The following SCFD2 variants were observed in gnomAD, a reference collection of about 807,000 sequenced individuals.
SCFD2 encodes sec1 family domain containing 2, also known as sec1 family domain-containing protein 2.
A neutral mutation model predicts 58.9 loss-of-function variants in SCFD2; 54 were observed. That is an observed-to-expected ratio of 0.92 (90% CI 0.74 to 1.15). The LOEUF (loss-of-function observed/expected upper bound fraction) is 1.15. Ranked by LOEUF, SCFD2 falls within the 50% of genes most tolerant of loss-of-function variation. The probability of loss-of-function intolerance (pLI) is 0.00; values close to 1 mark genes in which losing one functional copy is unlikely to be tolerated. For missense variants in SCFD2, 805 were observed against 836.6 expected (o/e 0.96, Z 0.47); for synonymous variants, 321 against 335.9 (o/e 0.96, Z 0.49).
chr4:53,145,099 G>A (rs908913695), intron 5 of SCFD2, among the ~76,000 whole-genome samples: 1 of 152,140 alleles, frequency 6.6e-6, no homozygotes, highest in African/African-American at 2.4e-5. Flanking sequence ...GATGTGAGGT[G>A]GAACGGTTTC....
At chr4:53,359,835 C>T (rs1734502430) in intron 1 of SCFD2, among the ~76,000 whole-genome samples, 1 of 152,186 alleles carries the variant, frequency 6.6e-6, no homozygotes, top group African/African-American at 2.4e-5. Flanking sequence ...AGCACCCTTG[C>T]CAACAATAAT....
chr4:53,326,302 C>T (rs1733195818), intron 2 of SCFD2, among the ~76,000 whole-genome samples: 1 of 152,106 alleles, frequency 6.6e-6, no homozygotes, highest in South Asian at 2.1e-4. Context: ...GCCCCCACAC[C>T]TAGCTAATTT....
At chr4:52,952,307 A>G (rs143146780) in intron 5 of SCFD2, among the ~76,000 whole-genome samples, 3 of 130,372 alleles carry the variant, frequency 2.3e-5, no homozygotes, top group Non-Finnish European at 4.8e-5. Context: ...CTCTGCCCCA[A>G]ATGGTCCCAC....
At chr4:53,326,502 TA>T (rs547110491) in intron 2 of SCFD2, among the ~76,000 whole-genome samples, 15 of 149,250 alleles carry the variant, frequency 1.0e-4, no homozygotes, top group East Asian at 1.9e-4. Flanking sequence ...CTTAACCTGA[TA>T]AAAAAAAAAT....
chr4:53,171,506 T>G (rs1297108171), intron 4 of SCFD2, among the ~76,000 whole-genome samples: 3 of 152,192 alleles, frequency 2.0e-5, no homozygotes, highest in Admixed American at 2.0e-4. Flanking sequence ...TTCTCTGGCT[T>G]TGGTACCAAG....
chr4:52,892,928 A>T (rs1371644593), intron 7 of SCFD2, among the ~76,000 whole-genome samples: 1 of 152,262 alleles, frequency 6.6e-6, no homozygotes, highest in East Asian at 1.9e-4. Context: ...TTTACAGTTC[A>T]TACCAAAATC....
chr4:52,918,913 T>C (rs188746943), intron 6 of SCFD2, among the ~76,000 whole-genome samples: 1 of 152,356 alleles, frequency 6.6e-6, no homozygotes, highest in African/African-American at 2.4e-5. Context: ...TCATTATTTA[T>C]TTAATCCCCC....
intron 4 of SCFD2, among the ~76,000 whole-genome samples, chr4:53,168,215 G>A (rs998635974): frequency 2.0e-5 from 3 of 152,206 alleles, no homozygotes; most frequent in Non-Finnish European, 4.4e-5. Context: ...TTGCCTTACA[G>A]GTGGGAGAAC....
chr4:53,091,277 C>T (rs1328062844), intron 5 of SCFD2, among the ~76,000 whole-genome samples: 1 of 151,384 alleles, frequency 6.6e-6, no homozygotes, highest in Non-Finnish European at 1.5e-5. Context: ...AGGAATAATG[C>T]TATGAGTTTT....
intron 7 of SCFD2, among the ~76,000 whole-genome samples, chr4:52,897,647 T>G (rs1469635233): frequency 1.3e-5 from 2 of 152,224 alleles, no homozygotes; most frequent in African/African-American, 2.4e-5. Flanking sequence ...CAGGCTTTGG[T>G]GTCAGGATGC....
At chr4:53,087,264 A>G (rs994617930) in intron 5 of SCFD2, among the ~76,000 whole-genome samples, 3 of 152,242 alleles carry the variant, frequency 2.0e-5, no homozygotes, top group Non-Finnish European at 4.4e-5. Context: ...ACACTAAAAC[A>G]TAGAAGATAG....
chr4:53,078,740 C>T (rs1236267634), intron 5 of SCFD2, among the ~76,000 whole-genome samples: 1 of 152,098 alleles, frequency 6.6e-6, no homozygotes, highest in Non-Finnish European at 1.5e-5. Flanking sequence ...AGAAATGAAC[C>T]CATGTGATCT....
At chr4:53,077,899 C>T (rs1577708958) in intron 5 of SCFD2, among the ~76,000 whole-genome samples, 2 of 152,094 alleles carry the variant, frequency 1.3e-5, no homozygotes, top group East Asian at 3.9e-4. Context: ...AAATACATAG[C>T]ACTTTTCTTG....
chr4:52,895,211 T>G lies in SCFD2; in HGVS notation c.1843-9345A>C, dbSNP rs111882450. ...TATACTTTAAGTTTTAGGATACATG[T>G]GCACAACGTACAGGTTTGTTACATA... On this transcript the variant is annotated intron_variant, in intron 7 of 8. Coordinates refer to ENST00000401642, the MANE Select transcript of SCFD2 (RefSeq NM_152540.4). Among the ~76,000 whole-genome samples, 862 of 152,296 alleles carry G rather than the reference T, an allele frequency of 5.7e-3. 11 individuals are homozygous for G. Among genetic ancestry groups the G allele is most frequent in the African/African-American group, 0.02 (812 of 41,554 alleles).
chr4:53,185,147 G>C (rs1727700796), intron 4 of SCFD2, among the ~76,000 whole-genome samples: 1 of 152,054 alleles, frequency 6.6e-6, no homozygotes, highest in Non-Finnish European at 1.5e-5. Context: ...GAAATATAGA[G>C]AGTAACAAAA....
At chr4:53,279,935 C>G (rs964050553) in intron 3 of SCFD2, among the ~76,000 whole-genome samples, 1 of 152,200 alleles carries the variant, frequency 6.6e-6, no homozygotes, top group Non-Finnish European at 1.5e-5. Context: ...GATACAATTA[C>G]CTCCACCTGG....
rs1443892245 is a variant in SCFD2, at chr4:52,876,220, G to A, written c.1963-2159C>T. Among the ~76,000 whole-genome samples, 6 of 152,110 alleles carry A rather than the reference G, an allele frequency of 3.9e-5. No homozygotes were observed. The South Asian group carries it at 8.3e-4, about 21-fold the overall frequency. Reference sequence around the variant, plus strand: ...CTCAGAAGGAAAATAACAGTGCCAAGCTTGAGGCAGTATGGCAAGGATTAC... The same window carrying A: ...CTCAGAAGGAAAATAACAGTGCCAAACTTGAGGCAGTATGGCAAGGATTAC... On this transcript the variant is annotated intron_variant, in intron 8 of 8. Transcript: ENST00000401642.
intron 4 of SCFD2, among the ~76,000 whole-genome samples, chr4:53,265,198 C>T (rs777720428): frequency 6.5e-4 from 99 of 152,170 alleles, no homozygotes; most frequent in Admixed American, 1.4e-3. Flanking sequence ...GAGGGGAAAT[C>T]AGATGTTGGG....
rs1375917121 is a variant in SCFD2, at chr4:53,301,261, A to T, written c.1135+12375T>A. Among the ~76,000 whole-genome samples the T allele has an allele frequency of 3.3e-5, 5 of 152,202 alleles. No homozygotes were observed. The East Asian group carries it at 5.8e-4, about 18-fold the overall frequency. ...AAATAGATGCAATAAAAAATGACAAAGGGGATATCACCACCAATCCCACAG... is the reference window on the plus strand; with the variant it reads ...AAATAGATGCAATAAAAAATGACAATGGGGATATCACCACCAATCCCACAG... On this transcript the variant is annotated intron_variant, in intron 3 of 8. Coordinates refer to ENST00000401642, the MANE Select transcript of SCFD2 (RefSeq NM_152540.4).
Sources: allele counts gnomAD v4.1 joint callset (sites outside exome capture counted in the v4.1 genomes callset), GRCh38; gene constraint gnomAD v4.1.1; transcripts MANE v1.5; gene names NCBI Gene and HGNC (gene_info 2026-07-23, HGNC 2026-07-21).